TTLL11: variants seen among roughly 807,000 people sequenced by gnomAD.
The protein encoded by TTLL11 is tubulin tyrosine ligase like 11, also known as tubulin polyglutamylase TTLL11.
TTLL11 carries 42 observed loss-of-function variants against 51.7 expected under a neutral mutation model. That is an observed-to-expected ratio of 0.81 (90% CI 0.64 to 1.05). The LOEUF (loss-of-function observed/expected upper bound fraction) is 1.05, where lower values mean the gene tolerates loss of function less well. Among genes scored for constraint, TTLL11 ranks in the 50% least tolerant of loss-of-function variants. The pLI, the probability that TTLL11 is intolerant of heterozygous loss-of-function variation, is 0.00. For missense variants in TTLL11, 799 were observed against 940.4 expected (o/e 0.85, Z 1.97); for synonymous variants, 381 against 383.5 (o/e 0.99, Z 0.08).
chr9:121,838,890 C>T (rs766791299), intron 8 of TTLL11, among the ~76,000 whole-genome samples: 1 of 148,114 alleles, frequency 6.8e-6, no homozygotes, highest in Non-Finnish European at 1.5e-5. Context: ...TCTTGCCCTG[C>T]CCACCTTTCT....
intron 3 of TTLL11, among the ~76,000 whole-genome samples, chr9:122,006,783 CAAG>C (rs918587390): frequency 1.6e-4 from 24 of 151,970 alleles, no homozygotes; most frequent in African/African-American, 5.6e-4. Flanking sequence ...CCAGGAGGTT[CAAG>C]ACCAGCCTGG....
chr9:122,081,376 AC>A (rs1846001292), intron 1 of TTLL11, among the ~76,000 whole-genome samples: 1 of 152,210 alleles, frequency 6.6e-6, no homozygotes, highest in Non-Finnish European at 1.5e-5. Flanking sequence ...CATACATGTT[AC>A]CTATATGATT....
chr9:121,930,741 T>C (rs1029396446), intron 6 of TTLL11, among the ~76,000 whole-genome samples: 1 of 152,206 alleles, frequency 6.6e-6, no homozygotes, highest in African/African-American at 2.4e-5. Context: ...CACCACTCTA[T>C]GTGTGGACCT....
At chr9:121,847,964 G>T (rs1043812307) in intron 8 of TTLL11, among the ~76,000 whole-genome samples, 3 of 152,126 alleles carry the variant, frequency 2.0e-5, no homozygotes, top group Non-Finnish European at 4.4e-5. Flanking sequence ...ACTTTAAGAG[G>T]CCAAAGTAGG....
intron 1 of TTLL11, among the ~76,000 whole-genome samples, chr9:122,084,589 G>A (rs1392875389): frequency 1.3e-5 from 2 of 152,196 alleles, no homozygotes; most frequent in Admixed American, 1.3e-4. Flanking sequence ...AGGATGGCAA[G>A]CTGATCTGCC....
chr9:121,837,283 C>T (rs1036462749), intron 8 of TTLL11, among the ~76,000 whole-genome samples: 3 of 148,782 alleles, frequency 2.0e-5, no homozygotes, highest in African/African-American at 7.6e-5. Flanking sequence ...AATGAGCAAT[C>T]ATCTCTTTCC....
intron 6 of TTLL11, among the ~76,000 whole-genome samples, chr9:121,934,038 T>C (rs2131560274): frequency 6.6e-6 from 1 of 152,284 alleles, no homozygotes; most frequent in African/African-American, 2.4e-5. Context: ...GAGACCAGCC[T>C]AACCAACATA....
chr9:122,085,957 C>T (rs1846111559), intron 1 of TTLL11, among the ~76,000 whole-genome samples: 1 of 152,192 alleles, frequency 6.6e-6, no homozygotes, highest in South Asian at 2.1e-4. Context: ...TGAGAGAAGG[C>T]ACTTAAACAG....
chr9:122,037,813 A>T (rs2131821430), intron 2 of TTLL11, among the ~76,000 whole-genome samples: 1 of 152,282 alleles, frequency 6.6e-6, no homozygotes, highest in East Asian at 1.9e-4. Context: ...CCTGCCCTGT[A>T]TCCTTCTAAG....
Position 121,989,047 on chromosome 9 carries a change from C to T in TTLL11, c.1269+148G>A. On this transcript the variant is annotated intron_variant, in intron 4 of 8. Transcript: ENST00000321582. This position sits in a 1 kb window ranked among gnomAD's most constrained non-coding sequence, Gnocchi z 4.2. ...CAAACAGAAAGCTTGGAAGTTGGGC[C>T]CAGGTTTAACACCCAAGCCCACAGC... 1 of 1,497,966 alleles carries T rather than the reference C, an allele frequency of 6.7e-7. No homozygotes were observed. 92.8% of individuals were successfully genotyped at this position (1,497,966 alleles called of 1,614,324 possible). A position where few individuals can be genotyped will look rare whatever the true frequency, so the allele number is the denominator to read the frequency against.
intron 6 of TTLL11, among the ~76,000 whole-genome samples, chr9:121,961,606 C>T (rs751752550): frequency 6.6e-6 from 1 of 152,214 alleles, no homozygotes; most frequent in Non-Finnish European, 1.5e-5. Flanking sequence ...CTCTACCCTA[C>T]GACACCATTC....
intron 6 of TTLL11, among the ~76,000 whole-genome samples, chr9:121,955,308 G>C (rs1184848305): frequency 6.6e-6 from 1 of 152,138 alleles, no homozygotes; most frequent in Non-Finnish European, 1.5e-5. Flanking sequence ...ACATCCATGT[G>C]TAAAAATTGT....
rs931072871 is a variant in TTLL11, at chr9:121,822,576, C to T, written c.*11G>A. 4 of 1,431,256 alleles carry T rather than the reference C, an allele frequency of 2.8e-6. No individual in the cohort carries two copies. The African/African-American group carries it at 5.8e-5, about 21-fold the overall frequency. 88.7% of individuals were successfully genotyped at this position (1,431,256 alleles called of 1,614,324 possible). On this transcript the variant is annotated 3_prime_UTR_variant, in exon 9 of 9. Transcript: ENST00000321582. This position sits in a 1 kb window ranked among gnomAD's most constrained non-coding sequence, Gnocchi z 5.8. ...TCTCGTCTTCCGTTTTCCAGGAGGACAGAGTGGCCCTCAGGACAGGGTATG... is the reference window on the plus strand; with the variant it reads ...TCTCGTCTTCCGTTTTCCAGGAGGATAGAGTGGCCCTCAGGACAGGGTATG...
intron 3 of TTLL11, among the ~76,000 whole-genome samples, chr9:122,027,664 A>C (rs1290247734): frequency 6.6e-6 from 1 of 152,234 alleles, no homozygotes; most frequent in Non-Finnish European, 1.5e-5. Context: ...ATTTCAAAGC[A>C]GTTTAAAAAC....
intron 8 of TTLL11, among the ~76,000 whole-genome samples, chr9:121,857,402 G>T (rs1164182984): frequency 6.6e-6 from 1 of 152,196 alleles, no homozygotes; most frequent in African/African-American, 2.4e-5. Context: ...TTCAAATCTT[G>T]CCTTCTTTTG....
At chr9:121,914,636 G>A (rs1228011207) in intron 6 of TTLL11, among the ~76,000 whole-genome samples, 1 of 152,132 alleles carries the variant, frequency 6.6e-6, no homozygotes, top group Non-Finnish European at 1.5e-5. Context: ...AGCCTCAAGA[G>A]CACCCAGCAC....
In TTLL11 at chr9:122,092,968, T is replaced by C; in HGVS notation, c.181A>G (p.Lys61Glu). 6.3e-7 allele frequency: 1 copy of C among 1,576,322 alleles called. No homozygotes were observed. Among genetic ancestry groups the C allele is most frequent in the Non-Finnish European group, 8.5e-7 (1 of 1,169,950 alleles). Residue 61 changes from lysine to glutamate, a missense_variant, in exon 1 of 9, where the codon AAG becomes GAG. By Grantham distance (56) the Lys-to-Glu change is moderately conservative (BLOSUM62 1). Coordinates refer to ENST00000321582, the MANE Select transcript of TTLL11 (RefSeq NM_001139442.2). ...PECKAGEEQP[K>E]VLAPAPAQPS... Reference sequence around the variant, plus strand: ...TGCGCCGGGGCCGGGGCCAGGACCTTGGGCTGCTCCTCCCCTGCCTTGCAC... The same window carrying C: ...TGCGCCGGGGCCGGGGCCAGGACCTCGGGCTGCTCCTCCCCTGCCTTGCAC...
At chr9:122,088,901 G>A (rs1846192089) in intron 1 of TTLL11, among the ~76,000 whole-genome samples, 1 of 151,792 alleles carries the variant, frequency 6.6e-6, no homozygotes, top group South Asian at 2.1e-4. Context: ...AGCTACTCAG[G>A]AGGCTGAGGC....
At chr9:121,892,801 G>A (rs1839301607) in intron 6 of TTLL11, among the ~76,000 whole-genome samples, 3 of 152,172 alleles carry the variant, frequency 2.0e-5, no homozygotes, top group South Asian at 4.1e-4. Context: ...CCCCTTTGTC[G>A]TGGCCACTGG....
Sources: gnomAD v4.1 joint callset for allele counts (sites outside exome capture counted in the v4.1 genomes callset) on GRCh38, gnomAD v4.1.1 for gene constraint, Gnocchi (gnomAD v3.1) non-coding constraint, MANE v1.5 for transcripts, NCBI Gene and HGNC (gene_info 2026-07-23, HGNC 2026-07-21) for gene names.